Variants in ZNF503 observed in about 807,000 individuals in gnomAD.
The protein encoded by ZNF503 is NocA-like zinc finger 2.
A neutral mutation model predicts 34.4 loss-of-function variants in ZNF503; 15 were observed. The observed-to-expected ratio is 0.44, with a 90% CI of 0.29 to 0.67. ZNF503 has a LOEUF of 0.67. ZNF503 is among the 30% of genes least tolerant of loss of function. ZNF503 has a pLI of 0.13. For missense variants in ZNF503, 1,007 were observed against 926.8 expected, an observed-to-expected ratio of 1.09 and a Z score of -1.12; for synonymous variants, 580 against 456.8, an observed-to-expected ratio of 1.27 and a Z score of -3.44.
At position 75,401,234 on chromosome 10, in the gene ZNF503, G is replaced by A. The variant is rs760142342; in HGVS notation, c.186C>T (p.Pro62=). 5 of 1,607,722 alleles carry A rather than the reference G, an allele frequency of 3.1e-6. No individual in the cohort carries two copies. The highest frequency in any genetic ancestry group is 1.3e-5 in the African/African-American group (1 of 74,908). The change falls in exon 1 of 2, where the codon CCC becomes CCT. Residue 62 remains proline, a synonymous_variant. Coordinates refer to ENST00000372524, the MANE Select transcript of ZNF503 (RefSeq NM_032772.6). ...STKPFVHAVP[P]SDPLRQANRL... Reference sequence around the variant, plus strand: ...GGTTGGCCTGGCGCAGGGGGTCAGAGGGGGGCACGGCGTGCACAAAAGGCT... The same window carrying A: ...GGTTGGCCTGGCGCAGGGGGTCAGAAGGGGGCACGGCGTGCACAAAAGGCT...
chr10:75,395,027 G>GACT (rs1281977170), downstream of ZNF503, among the ~76,000 whole-genome samples: 1 of 152,228 alleles, frequency 6.6e-6, no homozygotes, highest in African/African-American at 2.4e-5. This position sits in a 1 kb window ranked among gnomAD's most constrained non-coding sequence, Gnocchi z 4.4. Context: ...TGGCCTCCAG[G>GACT]ACTTAGCCTC....
At chr10:75,324,979 A>G in the ZNF503 span, among the ~76,000 whole-genome samples, 8 of 152,096 alleles carry the variant, frequency 5.3e-5, no homozygotes, top group Non-Finnish European at 8.8e-5. Flanking sequence ...GGATATATCA[A>G]TTTTACTTAT....
chr10:75,300,704 C>CTTTTTT, the ZNF503 span, among the ~76,000 whole-genome samples: 129 of 108,722 alleles, frequency 1.2e-3, 1 homozygote, highest in Non-Finnish European at 1.4e-3. Flanking sequence ...TTCTTTCTTT[C>CTTTTTT]TTTTTTTTTT....
the ZNF503 span, among the ~76,000 whole-genome samples, chr10:75,349,289 G>T: frequency 1.3e-5 from 2 of 152,218 alleles, no homozygotes; most frequent in South Asian, 4.1e-4. Context: ...ATGTAGAACA[G>T]TTCTACATTT....
At chr10:75,322,057 T>C in the ZNF503 span, among the ~76,000 whole-genome samples, 2 of 152,180 alleles carry the variant, frequency 1.3e-5, no homozygotes, top group Non-Finnish European at 2.9e-5. Flanking sequence ...ATAGTACTTT[T>C]ACCACTTCTC....
At chr10:75,281,395 G>C in the ZNF503 span, among the ~76,000 whole-genome samples, 1 of 152,114 alleles carries the variant, frequency 6.6e-6, no homozygotes. Flanking sequence ...AATCCTGTGG[G>C]ACAGGTGATG....
chr10:75,363,347 T>C, the ZNF503 span, among the ~76,000 whole-genome samples: 6 of 151,344 alleles, frequency 4.0e-5, no homozygotes, highest in Non-Finnish European at 7.4e-5. Flanking sequence ...GAATGTCCTC[T>C]TGTGAGTTGT....
downstream of ZNF503, among the ~76,000 whole-genome samples, chr10:75,394,865 T>C (rs1021682891): frequency 2.0e-5 from 3 of 152,144 alleles, no homozygotes; most frequent in South Asian, 6.2e-4. Context: ...CTTCAGCAGC[T>C]CTCTCGGAGG....
chr10:75,384,648 G>A, the ZNF503 span, among the ~76,000 whole-genome samples: 2 of 152,024 alleles, frequency 1.3e-5, no homozygotes, highest in African/African-American at 4.8e-5. Flanking sequence ...GTAGCCCTGC[G>A]GCCCAGCACC....
At chr10:75,309,703 G>A in the ZNF503 span, among the ~76,000 whole-genome samples, 89 of 152,224 alleles carry the variant, frequency 5.8e-4, no homozygotes, top group African/African-American at 2.0e-3. Flanking sequence ...TTACTGTGAT[G>A]TTCACTTTAT....
At chr10:75,309,255 C>A in the ZNF503 span, among the ~76,000 whole-genome samples, 3 of 152,158 alleles carry the variant, frequency 2.0e-5, no homozygotes, top group Non-Finnish European at 4.4e-5. Flanking sequence ...CAGAAAATTT[C>A]GTAAACTTAG....
chr10:75,360,289 GT>G, the ZNF503 span, among the ~76,000 whole-genome samples: 69,166 of 151,122 alleles, frequency 0.46, 18,419 homozygotes, highest in African/African-American at 0.75. Context: ...CCTGGCTAAT[GT>G]TTTTTTGTAT....
the ZNF503 span, among the ~76,000 whole-genome samples, chr10:75,381,795 G>T: frequency 2.7e-5 from 2 of 74,408 alleles, no homozygotes; most frequent in African/African-American, 4.4e-5. Flanking sequence ...ACTTGCCACA[G>T]AACCTAATTC....
the ZNF503 span, among the ~76,000 whole-genome samples, chr10:75,320,792 C>T: frequency 2.0e-5 from 3 of 151,990 alleles, no homozygotes; most frequent in Admixed American, 6.6e-5. Flanking sequence ...TGTGATCTAC[C>T]ATATTAACAA....
the ZNF503 span, among the ~76,000 whole-genome samples, chr10:75,371,399 G>C: frequency 6.6e-6 from 1 of 152,112 alleles, no homozygotes; most frequent in Non-Finnish European, 1.5e-5. Context: ...GGCAAGAGTG[G>C]GTTGGTGTTT....
At chr10:75,338,784 A>G in the ZNF503 span, among the ~76,000 whole-genome samples, 215 of 152,330 alleles carry the variant, frequency 1.4e-3, 1 homozygote, top group Non-Finnish European at 2.1e-3. Context: ...CATTCTTTGG[A>G]GAAGGAACAC....
the ZNF503 span, among the ~76,000 whole-genome samples, chr10:75,347,695 G>C: frequency 6.6e-5 from 10 of 152,366 alleles, no homozygotes; most frequent in South Asian, 2.1e-3. Flanking sequence ...GATGGTTTAT[G>C]ATGATGATTA....
Position 75,401,269 on chromosome 10 carries a change from C to G in ZNF503, c.151G>C (p.Gly51Arg), listed in dbSNP as rs377658290. ...GCGTGCACAAAAGGCTTGGTGCTGC[C>G]GGCCGGGGACGAGCCTGGGCCGGGG... ...SGPGPGSSPA[G>R]STKPFVHAVP... Residue 51 changes from glycine to arginine, a missense_variant, in exon 1 of 2, where the codon GGC becomes CGC. Physicochemically the swap from Gly to Arg is moderately radical, Grantham distance 125 (BLOSUM62 -2). Coordinates refer to ENST00000372524, the MANE Select transcript of ZNF503 (RefSeq NM_032772.6). 1.9e-6 allele frequency: 3 copies of G among 1,591,204 alleles called. No homozygotes were observed. Among genetic ancestry groups the G allele is most frequent in the Non-Finnish European group, 2.6e-6 (3 of 1,170,300 alleles).
At chr10:75,289,550 T>G in the ZNF503 span, among the ~76,000 whole-genome samples, 1 of 152,330 alleles carries the variant, frequency 6.6e-6, no homozygotes, top group South Asian at 2.1e-4. Context: ...TTTATTGTGG[T>G]AAAGTACACA....
Sources: allele counts gnomAD v4.1 joint callset (sites outside exome capture counted in the v4.1 genomes callset), GRCh38; gene constraint gnomAD v4.1.1; non-coding constraint Gnocchi (gnomAD v3.1); transcripts MANE v1.5; gene names NCBI Gene and HGNC (gene_info 2026-07-23, HGNC 2026-07-21).